The following PTPRM variants were observed in gnomAD, a reference collection of about 807,000 sequenced individuals.
PTPRM encodes protein tyrosine phosphatase receptor type M, also known as receptor-type tyrosine-protein phosphatase mu.
A neutral mutation model predicts 186.7 loss-of-function variants in PTPRM; 47 were observed. The ratio of observed to expected loss-of-function variants is 0.25; its 90% confidence interval spans 0.20 to 0.32. The LOEUF is 0.32. PTPRM is among the 10% of genes least tolerant of loss of function. The pLI, the probability that PTPRM is intolerant of heterozygous loss-of-function variation, is 1.00. For missense variants in PTPRM, 1,494 were observed against 1,865.0 expected (o/e 0.80, Z 3.66); for synonymous variants, 668 against 674.9 (o/e 0.99, Z 0.16).
intron 23 of PTPRM, among the ~76,000 whole-genome samples, chr18:8,354,957 A>T (rs2095555986): frequency 1.3e-5 from 2 of 152,232 alleles, no homozygotes; most frequent in South Asian, 4.1e-4. Flanking sequence ...TAGAGTAGAC[A>T]TAAGAGTAAC....
intron 1 of PTPRM, among the ~76,000 whole-genome samples, chr18:7,772,244 T>TTTTTTTCTTTTCTTTTCTTTTCTTTTC (rs2042301177): frequency 1.4e-5 from 2 of 140,054 alleles, no homozygotes; most frequent in African/African-American, 5.5e-5. Flanking sequence ...GCTAAGATCT[T>TTTTTTTCTTTTCTTTTCTTTTCTTTTC]TTTTCTTTTC....
chr18:7,690,272 C>A (rs1240633415), intron 1 of PTPRM, among the ~76,000 whole-genome samples: 1 of 152,172 alleles, frequency 6.6e-6, no homozygotes, highest in African/African-American at 2.4e-5. Context: ...GTGGAAGCTG[C>A]ATTTCTGTAA....
chr18:7,814,049 G>A (rs539225740), intron 2 of PTPRM: 2 of 151,976 alleles, frequency 1.3e-5, no homozygotes, highest in Non-Finnish European at 2.9e-5. Flanking sequence ...CTCTTTCTTG[G>A]TCTTCATTTT....
At chr18:8,372,132 C>T (rs967127790) in intron 24 of PTPRM, among the ~76,000 whole-genome samples, 2 of 128,256 alleles carry the variant, frequency 1.6e-5, no homozygotes, top group East Asian at 2.2e-4. Context: ...ACTGCAGTGG[C>T]GCAATCTCGG....
At chr18:8,180,920 G>A (rs1352660810) in intron 14 of PTPRM, among the ~76,000 whole-genome samples, 3 of 152,026 alleles carry the variant, frequency 2.0e-5, no homozygotes, top group Admixed American at 1.3e-4. Context: ...CCTGATGGTC[G>A]ACTGATGTTC....
intron 5 of PTPRM, among the ~76,000 whole-genome samples, chr18:7,938,337 T>A (rs1303005548): frequency 1.3e-5 from 2 of 152,202 alleles, no homozygotes; most frequent in Non-Finnish European, 2.9e-5. Context: ...TAAGGAAAAG[T>A]GACGTTATTA....
chr18:7,571,593 T>A (rs1357407783), intron 1 of PTPRM, among the ~76,000 whole-genome samples: 2 of 152,244 alleles, frequency 1.3e-5, no homozygotes, highest in East Asian at 1.9e-4. Flanking sequence ...TAGACTTAGC[T>A]CTTTGTTTCA....
At chr18:8,117,478 G>A (rs2091999770) in intron 13 of PTPRM, among the ~76,000 whole-genome samples, 2 of 152,124 alleles carry the variant, frequency 1.3e-5, no homozygotes, top group Admixed American at 6.5e-5. Context: ...GTAAGGGTAT[G>A]TCTCTTAAAA....
chr18:7,685,181 C>A (rs1454965363), intron 1 of PTPRM, among the ~76,000 whole-genome samples: 4 of 152,138 alleles, frequency 2.6e-5, no homozygotes, highest in African/African-American at 9.7e-5. Context: ...TTCCACCCAC[C>A]ACCAGGGTCA....
intron 7 of PTPRM, among the ~76,000 whole-genome samples, chr18:7,974,977 G>T (rs1051911438): frequency 1.3e-5 from 2 of 152,050 alleles, no homozygotes; most frequent in Admixed American, 6.5e-5. Flanking sequence ...GTTGGTTTAG[G>T]GTTGGATCAG....
intron 14 of PTPRM, among the ~76,000 whole-genome samples, chr18:8,189,222 G>T (rs937908739): frequency 1.3e-5 from 2 of 150,408 alleles, no homozygotes; most frequent in African/African-American, 2.5e-5. Context: ...TAAGTCTGAG[G>T]CTGAGGCTTC....
intron 32 of PTPRM, among the ~76,000 whole-genome samples, chr18:8,395,317 C>T (rs1271409929): frequency 6.6e-6 from 1 of 151,944 alleles, no homozygotes; most frequent in Non-Finnish European, 1.5e-5. Context: ...AAGAGATGGC[C>T]GATGGGACAA....
chr18:8,085,943 A>T (rs1211227994), intron 10 of PTPRM, 71 bp downstream of exon 10: 2 of 1,446,768 alleles, frequency 1.4e-6, no homozygotes, highest in Admixed American at 3.4e-5. Flanking sequence ...CCCATTGTCA[A>T]GTATGCCAAG....
At chr18:7,993,851 C>A (rs955750324) in intron 7 of PTPRM, among the ~76,000 whole-genome samples, 8 of 152,066 alleles carry the variant, frequency 5.3e-5, no homozygotes, top group African/African-American at 1.7e-4. Flanking sequence ...GTTATTACTA[C>A]AGAAAGCTAC....
rs75893714 is a variant in PTPRM at position 8,182,087 on chromosome 18, C to T, written c.2300+38308C>T. The stretch of plus-strand genomic sequence containing the variant: ...ATTATTGTACCATGAAAGGAAACTC[C>T]CTCATAAACCCATCATATTGTTCAC... On this transcript the variant is annotated intron_variant, in intron 14 of 32. Coordinates refer to ENST00000580170, the MANE Select transcript of PTPRM (RefSeq NM_001105244.2). Among the ~76,000 whole-genome samples, 4 of 152,194 alleles carry T rather than the reference C, an allele frequency of 2.6e-5. No individual in the cohort carries two copies. The East Asian group carries it at 7.7e-4, about 29-fold the overall frequency.
Position 8,162,153 on chromosome 18 carries a change from G to A in PTPRM, c.2300+18374G>A, listed in dbSNP as rs527980317. ...TCACTCTTGTTGCCCAAGCTGGAGTGCAATGGCGCCATCTCGGCTCACTAC... is the reference window on the plus strand; with the variant it reads ...TCACTCTTGTTGCCCAAGCTGGAGTACAATGGCGCCATCTCGGCTCACTAC... On this transcript the variant is annotated intron_variant, in intron 14 of 32. Transcript: ENST00000580170. 2.7e-5 allele frequency among the ~76,000 whole-genome samples: 4 copies of A among 150,512 alleles called. No homozygotes were observed. The East Asian group carries it at 7.8e-4, about 29-fold the overall frequency.
chr18:7,953,728 G>A (rs1323376955), intron 6 of PTPRM, among the ~76,000 whole-genome samples: 1 of 152,096 alleles, frequency 6.6e-6, no homozygotes, highest in Non-Finnish European at 1.5e-5. Flanking sequence ...AGTTTACCCG[G>A]TATCAGCTCA....
chr18:7,992,899 T>C (rs1430943380), intron 7 of PTPRM, among the ~76,000 whole-genome samples: 1 of 152,092 alleles, frequency 6.6e-6, no homozygotes, highest in Non-Finnish European at 1.5e-5. Flanking sequence ...TATTCAATTT[T>C]TGGTGAATCA....
chr18:7,890,923 A>G (rs1290877204), intron 3 of PTPRM, among the ~76,000 whole-genome samples: 1 of 152,174 alleles, frequency 6.6e-6, no homozygotes, highest in Non-Finnish European at 1.5e-5. Flanking sequence ...ATTAAATTCT[A>G]TTTTTAAGTT....
Sources: allele counts gnomAD v4.1 joint callset (sites outside exome capture counted in the v4.1 genomes callset), GRCh38; gene constraint gnomAD v4.1.1; transcripts MANE v1.5; gene names NCBI Gene and HGNC (gene_info 2026-07-23, HGNC 2026-07-21).